DPP6: variants seen among roughly 807,000 people sequenced by gnomAD.
DPP6 encodes the protein A-type potassium channel modulatory protein DPP6.
DPP6 carries 69 observed loss-of-function variants against 122.6 expected under a neutral mutation model. The observed-to-expected ratio is 0.56, with a 90% CI of 0.46 to 0.69. The LOEUF is 0.69. DPP6 is among the 30% of genes least tolerant of loss of function. The pLI is 0.00. For missense variants in DPP6, 928 were observed against 1,116.9 expected (o/e 0.83, Z 2.41); for synonymous variants, 418 against 433.1 (o/e 0.97, Z 0.43).
intron 1 of DPP6, among the ~76,000 whole-genome samples, chr7:154,088,676 C>T (rs1300048825): frequency 6.7e-6 from 1 of 148,730 alleles, no homozygotes; most frequent in Non-Finnish European, 1.5e-5. Flanking sequence ...GGCCCCTGGG[C>T]AGCTAGTGCT....
At chr7:154,766,278 T>C (rs2131535199) in intron 8 of DPP6, among the ~76,000 whole-genome samples, 1 of 152,326 alleles carries the variant, frequency 6.6e-6, no homozygotes, top group South Asian at 2.1e-4. Flanking sequence ...CTGTCATCCC[T>C]GAACCCGATG....
rs373336799 is a variant in DPP6, at chr7:154,868,104, C to T, written c.1813+11C>T. 8.8e-6 allele frequency: 14 copies of T among 1,592,308 alleles called. No homozygotes were observed. The highest frequency in any genetic ancestry group is 3.5e-5 in the South Asian group (3 of 86,832). On this transcript the variant is annotated intron_variant, in intron 18 of 25. Transcript: ENST00000377770. The stretch of plus-strand genomic sequence containing the variant: ...AGATTGATGATTACAGTAAGTACTA[C>T]GTTTTTCCCCTCTAAAAGAAAAAGA...
At chr7:154,713,141 A>G (rs1419535279) in intron 7 of DPP6, among the ~76,000 whole-genome samples, 2 of 152,242 alleles carry the variant, frequency 1.3e-5, no homozygotes, top group Middle Eastern at 3.2e-3. Flanking sequence ...TAAAGTTCCA[A>G]AAATGTGTTT....
At chr7:154,731,425 G>A (rs570550937) in intron 8 of DPP6, among the ~76,000 whole-genome samples, 2 of 152,348 alleles carry the variant, frequency 1.3e-5, no homozygotes, top group Non-Finnish European at 2.9e-5. Context: ...GAAGAGGTGG[G>A]CAGCCATAGA....
intron 1 of DPP6, among the ~76,000 whole-genome samples, chr7:154,343,789 C>T (rs1360191401): frequency 6.6e-6 from 1 of 152,160 alleles, no homozygotes; most frequent in African/African-American, 2.4e-5. Flanking sequence ...CCATGTTGGC[C>T]AGGCTGGTAT....
At chr7:154,627,527 C>T (rs200017603) in intron 5 of DPP6, among the ~76,000 whole-genome samples, 2 of 152,032 alleles carry the variant, frequency 1.3e-5, no homozygotes, top group East Asian at 1.9e-4. Flanking sequence ...TATAACAAGA[C>T]GTTTAACTTC....
chr7:154,515,835 C>A (rs1826449132), intron 3 of DPP6, among the ~76,000 whole-genome samples: 1 of 152,146 alleles, frequency 6.6e-6, no homozygotes, highest in South Asian at 2.1e-4. Flanking sequence ...TCTCTTCCAG[C>A]TCTAAGTTCC....
At chr7:154,614,655 T>A (rs1834118274) in intron 5 of DPP6, among the ~76,000 whole-genome samples, 1 of 152,246 alleles carries the variant, frequency 6.6e-6, no homozygotes, top group Non-Finnish European at 1.5e-5. Context: ...CAGTAGAAAC[T>A]TCAAGTTTAA....
chr7:154,248,112 G>A (rs1802109173), intron 1 of DPP6, among the ~76,000 whole-genome samples: 1 of 152,096 alleles, frequency 6.6e-6, no homozygotes, highest in Admixed American at 6.5e-5. Flanking sequence ...GGGCAAGAGA[G>A]CTCTCTGGGG....
chr7:153,985,103 A>G (rs914356560), intron 1 of DPP6, among the ~76,000 whole-genome samples: 1 of 152,232 alleles, frequency 6.6e-6, no homozygotes, highest in African/African-American at 2.4e-5. Context: ...CTGACTGAGT[A>G]CTGTACCTAT....
At chr7:154,621,818 T>C (rs1454598880) in intron 5 of DPP6, among the ~76,000 whole-genome samples, 1 of 152,100 alleles carries the variant, frequency 6.6e-6, no homozygotes, top group Non-Finnish European at 1.5e-5. Context: ...TCAAGTCAGG[T>C]GGCACTTCAA....
At chr7:153,807,527 TAA>T in the DPP6 span, among the ~76,000 whole-genome samples, 1 of 151,514 alleles carries the variant, frequency 6.6e-6, no homozygotes, top group Non-Finnish European at 1.5e-5. Flanking sequence ...CGTAGAAAAA[TAA>T]AGTGTCCAGG....
At chr7:154,085,590 G>T (rs947077832) in intron 1 of DPP6, among the ~76,000 whole-genome samples, 2 of 152,110 alleles carry the variant, frequency 1.3e-5, no homozygotes, top group Non-Finnish European at 2.9e-5. Flanking sequence ...TTTATGTCGA[G>T]TCCCAGAAGT....
At position 154,451,691 on chromosome 7, in the gene DPP6, G is replaced by A. The variant is rs189371824; in HGVS notation, c.358+5363G>A. 6.4e-3 allele frequency among the ~76,000 whole-genome samples: 977 copies of A among 152,306 alleles called. 20 individuals carry two copies. The highest frequency in any genetic ancestry group is 0.022 in the African/African-American group (916 of 41,572). On this transcript the variant is annotated intron_variant, in intron 2 of 25. Coordinates refer to ENST00000377770, the MANE Select transcript of DPP6 (RefSeq NM_130797.4). ...TCCATGCTGACGGCCAGTTGTCAGG[G>A]GCAACTGCTCCTGGAGAAGCTCTAG...
chr7:153,810,366 A>G, the DPP6 span, among the ~76,000 whole-genome samples: 2 of 152,216 alleles, frequency 1.3e-5, no homozygotes, highest in African/African-American at 4.8e-5. Flanking sequence ...AATAAAACAT[A>G]TAAAATACTA....
At chr7:154,169,934 G>T (rs1014829781) in intron 1 of DPP6, among the ~76,000 whole-genome samples, 4 of 152,098 alleles carry the variant, frequency 2.6e-5, no homozygotes, top group Admixed American at 6.5e-5. Context: ...ATGTTGGCCA[G>T]GCTGGTCTTG....
At chr7:153,816,807 G>A in the DPP6 span, among the ~76,000 whole-genome samples, 1 of 151,936 alleles carries the variant, frequency 6.6e-6, no homozygotes, top group Non-Finnish European at 1.5e-5. Flanking sequence ...GCTACACAGA[G>A]AAATGAGATT....
At chr7:154,369,820 C>T (rs939142761) in intron 1 of DPP6, among the ~76,000 whole-genome samples, 6 of 152,210 alleles carry the variant, frequency 3.9e-5, no homozygotes, top group Admixed American at 3.9e-4. Flanking sequence ...ACCTTCTGGC[C>T]TGACTTTTCT....
the DPP6 span, among the ~76,000 whole-genome samples, chr7:153,789,642 G>A: frequency 6.6e-6 from 1 of 152,128 alleles, no homozygotes; most frequent in South Asian, 2.1e-4. Flanking sequence ...GTATTGATGA[G>A]AGAAAGAAGA....
Sources: gnomAD v4.1 joint callset for allele counts (sites outside exome capture counted in the v4.1 genomes callset) on GRCh38, gnomAD v4.1.1 for gene constraint, MANE v1.5 for transcripts, NCBI Gene and HGNC (gene_info 2026-07-23, HGNC 2026-07-21) for gene names.